Variants in ADGRD1 observed in about 807,000 individuals in gnomAD.
ADGRD1 encodes adhesion G protein-coupled receptor D1, also known as G-protein coupled receptor 133.
ADGRD1 carries 77 observed loss-of-function variants against 113.4 expected under a neutral mutation model. The ratio of observed to expected loss-of-function variants is 0.68; its 90% CI spans 0.57 to 0.82. The LOEUF is 0.82. Ranked by LOEUF, ADGRD1 falls within the 40% of genes least tolerant of loss-of-function variation. The pLI is 0.00. For synonymous variants in ADGRD1, 474 were observed against 475.0 expected, an observed-to-expected ratio of 1.00 and a Z score of 0.03; for missense variants, 1,036 against 1,139.1, an observed-to-expected ratio of 0.91 and a Z score of 1.30.
chr12:131,123,336 C>T (rs958790259), intron 20 of ADGRD1, among the ~76,000 whole-genome samples: 3 of 151,462 alleles, frequency 2.0e-5, no homozygotes, highest in Non-Finnish European at 2.9e-5. Flanking sequence ...TGAGCCACTG[C>T]GCCCGGCCCT....
chr12:131,094,393 A>T (rs1384981306), intron 15 of ADGRD1, among the ~76,000 whole-genome samples: 1 of 152,198 alleles, frequency 6.6e-6, no homozygotes, highest in Non-Finnish European at 1.5e-5. Flanking sequence ...AGGAAGGTTC[A>T]GTCCTGTGGC....
At chr12:131,078,136 T>C (rs4759837) in intron 14 of ADGRD1, among the ~76,000 whole-genome samples, 131,725 of 152,196 alleles carry the variant, frequency 0.87, 57,704 homozygotes, top group East Asian at 1. Context: ...TCTGCTGGTA[T>C]GGTCCCCGTC....
At chr12:131,062,390 C>T (rs80245781) in intron 13 of ADGRD1, among the ~76,000 whole-genome samples, 3,949 of 152,244 alleles carry the variant, frequency 0.026, 167 homozygotes, top group African/African-American at 0.09. Flanking sequence ...CAATTGTGGA[C>T]GGCATTTTGT....
rs574473634 is a variant in ADGRD1 at position 131,057,440 on chromosome 12, G to A, written c.1474-19361G>A. 6.6e-6 allele frequency among the ~76,000 whole-genome samples: 1 copy of A among 152,280 alleles called. No homozygotes were observed. Among genetic ancestry groups the A allele is most frequent in the East Asian group, 1.9e-4 (1 of 5,182 alleles). On this transcript the variant is annotated intron_variant, in intron 13 of 24. Transcript: ENST00000261654. This position sits in a 1 kb window ranked among gnomAD's most constrained non-coding sequence, Gnocchi z 4.2. The stretch of plus-strand genomic sequence containing the variant: ...AAATGGCTAGTGGCTTTAAACAGCA[G>A]AAAGCCGTTCTCCTGCAGCTCTTGA...
chr12:131,131,981 C>T (rs942735420), intron 21 of ADGRD1, among the ~76,000 whole-genome samples, 165 bp downstream of exon 21: 10 of 152,214 alleles, frequency 6.6e-5, no homozygotes, highest in Non-Finnish European at 8.8e-5. Context: ...TTCACGCCCT[C>T]GCTTGGCTCT....
chr12:131,117,220 C>T (rs1950488404), intron 18 of ADGRD1, among the ~76,000 whole-genome samples: 1 of 152,142 alleles, frequency 6.6e-6, no homozygotes, highest in African/African-American at 2.4e-5. Flanking sequence ...CGTGGGCCTC[C>T]CTTCTATCAC....
At chr12:131,048,560 G>A (rs1342712965) in intron 13 of ADGRD1, among the ~76,000 whole-genome samples, 6 of 152,186 alleles carry the variant, frequency 3.9e-5, no homozygotes, top group African/African-American at 1.2e-4. Context: ...CTGGTGATCC[G>A]GGGCTCCATG....
chr12:131,033,784 T>G (rs1881069547), intron 13 of ADGRD1, among the ~76,000 whole-genome samples: 1 of 152,182 alleles, frequency 6.6e-6, no homozygotes, highest in African/African-American at 2.4e-5. Context: ...TGTGGTCATT[T>G]CCACGGCTGC....
At chr12:130,987,585 G>A in intron 6 of ADGRD1, 1 of 569,638 alleles carries the variant, frequency 1.8e-6, no homozygotes, top group African/African-American at 1.9e-5. Flanking sequence ...ATCATCACGG[G>A]GTTTCAAGGT....
chr12:131,137,945 C>A, intron 23 of ADGRD1, 192 bp from the exon 24 acceptor site: 1 of 586,210 alleles, frequency 1.7e-6, no homozygotes, highest in Non-Finnish European at 3.1e-6. Flanking sequence ...CCCTGGCCTG[C>A]GATACAACCT....
intron 15 of ADGRD1, among the ~76,000 whole-genome samples, chr12:131,085,885 G>A (rs985237615): frequency 1.3e-4 from 20 of 152,292 alleles, no homozygotes; most frequent in African/African-American, 3.6e-4. Context: ...CTCATCTTCC[G>A]TGCGGAGCCC....
At chr12:131,098,316 C>T (rs1949989495) in intron 15 of ADGRD1, among the ~76,000 whole-genome samples, 1 of 152,136 alleles carries the variant, frequency 6.6e-6, no homozygotes, top group East Asian at 1.9e-4. Flanking sequence ...GGAGGCAGGT[C>T]AGAGGCACGG....
At chr12:131,117,624 T>G (rs1950499308) in intron 18 of ADGRD1, among the ~76,000 whole-genome samples, 2 of 152,124 alleles carry the variant, frequency 1.3e-5, no homozygotes, top group Middle Eastern at 3.2e-3. Flanking sequence ...AACCAATAGC[T>G]GTGGCTGGGG....
chr12:131,006,884 C>G (rs972754651), intron 12 of ADGRD1, among the ~76,000 whole-genome samples: 5 of 152,160 alleles, frequency 3.3e-5, no homozygotes, highest in African/African-American at 1.2e-4. Context: ...TTCCAAAATT[C>G]TTCAGGAAAA....
rs141735232 is a variant in ADGRD1 at position 131,106,513 on chromosome 12, T to TG, written c.1887+649dup. On this transcript the variant is annotated intron_variant, in intron 17 of 24. Coordinates refer to ENST00000261654, the MANE Select transcript of ADGRD1 (RefSeq NM_198827.5). ...TTGATGGAAGAGAAAAACAGAGGGCTGCCTGCTCCATGTGTGGGAGGAAAA... is the reference window on the plus strand; with the variant it reads ...TTGATGGAAGAGAAAAACAGAGGGCTGGCCTGCTCCATGTGTGGGAGGAAAA... 2.7e-3 allele frequency among the ~76,000 whole-genome samples: 411 copies of TG among 152,338 alleles called. 1 individual carries two copies. Among genetic ancestry groups the TG allele is most frequent in the Admixed American group, 5.6e-3 (85 of 15,298 alleles).
At chr12:131,130,520 C>T (rs1453593944) in intron 20 of ADGRD1, among the ~76,000 whole-genome samples, 2 of 152,174 alleles carry the variant, frequency 1.3e-5, no homozygotes, top group Non-Finnish European at 2.9e-5. Context: ...GAGCCCTGGG[C>T]GGAGGGCTCC....
chr12:131,131,355 A>G (rs937633589), intron 20 of ADGRD1, among the ~76,000 whole-genome samples: 3 of 152,198 alleles, frequency 2.0e-5, no homozygotes, highest in African/African-American at 7.2e-5. Context: ...AGTGGGCACT[A>G]TCCTTCTCAT....
chr12:131,071,498 C>T (rs553667286), intron 13 of ADGRD1, among the ~76,000 whole-genome samples: 173 of 152,160 alleles, frequency 1.1e-3, no homozygotes, highest in African/African-American at 3.9e-3. Flanking sequence ...GTTAAGGGGG[C>T]GGGGTCCCTG....
At chr12:130,992,187 T>C in intron 7 of ADGRD1, 50 bp from the exon 8 acceptor site, 1 of 1,417,564 alleles carries the variant, frequency 7.1e-7, no homozygotes, top group South Asian at 1.2e-5. Context: ...TTCTGTATAA[T>C]ATTTTGGTTT....
Sources: gnomAD v4.1 joint callset for allele counts (sites outside exome capture counted in the v4.1 genomes callset) on GRCh38, gnomAD v4.1.1 for gene constraint, Gnocchi (gnomAD v3.1) non-coding constraint, MANE v1.5 for transcripts, NCBI Gene and HGNC (gene_info 2026-07-23, HGNC 2026-07-21) for gene names.